Variants in ZC3H11A observed in about 807,000 individuals in gnomAD.
The protein encoded by ZC3H11A is zinc finger CCCH domain-containing protein 11A.
A neutral mutation model predicts 90.8 loss-of-function variants in ZC3H11A; 22 were observed. That is an observed-to-expected ratio of 0.24 (90% confidence interval 0.17 to 0.35). ZC3H11A has a LOEUF of 0.35. ZC3H11A is among the 10% of genes least tolerant of loss of function. The probability of loss-of-function intolerance (pLI) is 1.00; values close to 1 mark genes in which losing one functional copy is unlikely to be tolerated. For synonymous variants in ZC3H11A, 294 were observed against 339.8 expected (o/e 0.87, Z 1.48); for missense variants, 701 against 964.9 (o/e 0.73, Z 3.62).
intron 5 of ZC3H11A, 186 bp from the exon 6 acceptor site, chr1:203,829,263 GTT>G (rs1681504369): frequency 1.6e-6 from 1 of 620,192 alleles, no homozygotes; most frequent in African/African-American, 1.9e-5. Context: ...ACAGTGGAGA[GTT>G]AGTGGAGAGT....
chr1:203,838,163 A>G (rs1684961739), intron 11 of ZC3H11A, 99 bp downstream of exon 11: 1 of 1,087,916 alleles, frequency 9.2e-7, no homozygotes, highest in Non-Finnish European at 1.3e-6. Flanking sequence ...GTTCAGGTAA[A>G]TAGGTTATCT....
chr1:203,810,888 T>TGA lies in ZC3H11A; in HGVS notation c.-145-6034_-145-6033dup, dbSNP rs1372120631. Among the ~76,000 whole-genome samples, 3 of 151,272 alleles carry TGA rather than the reference T, an allele frequency of 2.0e-5. No individual in the cohort carries two copies. The East Asian group carries it at 5.9e-4, about 30-fold the overall frequency. On this transcript the variant is annotated intron_variant, in intron 2 of 17. Coordinates refer to ENST00000367210, the MANE Select transcript of ZC3H11A (RefSeq NM_001376342.1). ...GCTCACGCCTGTAATCCCAGCACTT[T>TGA]GAGAGGTTGAGGCGGGCAGATGACC...
intron 10 of ZC3H11A, 94 bp from the exon 11 acceptor site, chr1:203,837,872 A>G: frequency 8.5e-7 from 1 of 1,178,130 alleles, no homozygotes; most frequent in Non-Finnish European, 1.2e-6. Context: ...AGAACACTTA[A>G]CAGAATTATG....
chr1:203,832,454 A>G (rs1682711454), intron 9 of ZC3H11A, among the ~76,000 whole-genome samples: 1 of 151,632 alleles, frequency 6.6e-6, no homozygotes, highest in South Asian at 2.1e-4. Context: ...TCCGCCTCCC[A>G]GGTTCAAGTG....
At chr1:203,829,990 A>G (rs1284718761) in intron 7 of ZC3H11A, 94 bp downstream of exon 7, 6 of 1,364,816 alleles carry the variant, frequency 4.4e-6, no homozygotes, top group Non-Finnish European at 4.2e-6. Context: ...TCTTTTTCCC[A>G]TGCTACACGC....
intron 4 of ZC3H11A, among the ~76,000 whole-genome samples, chr1:203,823,596 TGCTAGCCAAGAGCAAG>T (rs1031474182): frequency 6.6e-6 from 1 of 152,250 alleles, no homozygotes; most frequent in African/African-American, 2.4e-5. Flanking sequence ...AGGTCCCAGA[TGCTAGCCAAGAGCAAG>T]CCTTGCAAGC....
Position 203,849,708 on chromosome 1 carries a change from C to T in ZC3H11A, c.1624-3C>T, listed in dbSNP as rs373294796. 26 of 1,613,148 alleles carry T rather than the reference C, an allele frequency of 1.6e-5. No individual in the cohort carries two copies. The highest frequency in any genetic ancestry group is 8.9e-5 in the East Asian group (4 of 44,884). On this transcript the variant is annotated splice_region_variant and splice_polypyrimidine_tract_variant and intron_variant, in intron 14 of 17. Coordinates refer to ENST00000367210, the MANE Select transcript of ZC3H11A (RefSeq NM_001376342.1). ...TAATTCTGTCATTCAAATTTATCCA[C>T]AGGCTTCAGGTGAGACCACAGGAGT...
rs1689699743 is a variant in ZC3H11A, at chr1:203,853,801, C to G, written c.*1402C>G. On this transcript the variant is annotated 3_prime_UTR_variant, in exon 18 of 18. Coordinates refer to ENST00000367210, the MANE Select transcript of ZC3H11A (RefSeq NM_001376342.1). ...GATGATTCTGCACAAGCAAAAATGA[C>G]TGAAGTTTATGTATAGACACACCTC... is the stretch of plus-strand genomic sequence containing the variant. 1 of 152,650 alleles carries G rather than the reference C, an allele frequency of 6.6e-6. No individual in the cohort carries two copies. The highest frequency in any genetic ancestry group is 6.5e-5 in the Admixed American group (1 of 15,280). 9.5% of individuals were successfully genotyped at this position (152,650 alleles called of 1,614,324 possible). A position where few individuals can be genotyped will look rare whatever the true frequency, so the allele number is the denominator to read the frequency against.
chr1:203,812,840 C>G (rs1405747709), intron 2 of ZC3H11A, among the ~76,000 whole-genome samples: 3 of 152,076 alleles, frequency 2.0e-5, no homozygotes, highest in Non-Finnish European at 2.9e-5. Flanking sequence ...CCTCGGCCTC[C>G]CAAAGTGCTG....
chr1:203,818,433 C>A, intron 3 of ZC3H11A, 137 bp from the exon 4 acceptor site: 2 of 1,143,376 alleles, frequency 1.7e-6, no homozygotes, highest in Non-Finnish European at 2.5e-6. Context: ...CCTGTCATTC[C>A]ATGTCCATTG....
intron 4 of ZC3H11A, among the ~76,000 whole-genome samples, chr1:203,826,980 C>A (rs568360617): frequency 1.6e-4 from 24 of 152,226 alleles, no homozygotes; most frequent in Admixed American, 3.9e-4. Flanking sequence ...AACCACATCC[C>A]CAAAGCTGAT....
chr1:203,829,408 T>C (rs756231756), intron 5 of ZC3H11A, 43 bp from the exon 6 acceptor site: 2 of 1,608,008 alleles, frequency 1.2e-6, no homozygotes, highest in South Asian at 2.2e-5. Context: ...AAGTTGGGGT[T>C]GTATCTTCTG....
intron 10 of ZC3H11A, 61 bp downstream of exon 10, chr1:203,833,914 T>C: frequency 6.4e-7 from 1 of 1,551,248 alleles, no homozygotes; most frequent in East Asian, 2.3e-5. Flanking sequence ...ACATGATAGC[T>C]TCTCCAAACT....
chr1:203,819,551 TGA>T, intron 4 of ZC3H11A, among the ~76,000 whole-genome samples: 1 of 83,014 alleles, frequency 1.2e-5, no homozygotes, highest in Non-Finnish European at 2.4e-5. Flanking sequence ...TTTTTTTTTT[TGA>T]GACAGAGTTT....
chr1:203,831,575 T>G (rs545530356), intron 8 of ZC3H11A, 86 bp from the exon 9 acceptor site: 1 of 1,103,486 alleles, frequency 9.1e-7, no homozygotes, highest in East Asian at 2.6e-5. Flanking sequence ...GTATTGGACT[T>G]AACTGGTTAC....
rs1688811679 is a variant in ZC3H11A at position 203,849,721 on chromosome 1, A to G, written c.1634A>G (p.Glu545Gly). The G allele has an allele frequency of 6.2e-7, 1 of 1,613,992 alleles. No homozygotes were observed. Among genetic ancestry groups the G allele is most frequent in the Non-Finnish European group, 8.5e-7 (1 of 1,179,874 alleles). ...CAAATTTATCCACAGGCTTCAGGTG[A>G]GACCACAGGAGTTGACATCACTAAA... ...IRTEAKEASG[E>G]TTGVDITKIQ... Residue 545 changes from glutamate to glycine, a missense_variant, in exon 15 of 18, where the codon GAG (glutamate) becomes GGG (glycine). Glu to Gly is a moderately conservative substitution (Grantham distance 98). Coordinates refer to ENST00000367210, the MANE Select transcript of ZC3H11A (RefSeq NM_001376342.1).
chr1:203,815,216 CTTTTTTTT>C lies in ZC3H11A; in HGVS notation c.-145-1701_-145-1694del, dbSNP rs59254922. 3.1e-4 allele frequency among the ~76,000 whole-genome samples: 30 copies of C among 97,144 alleles called. No individual in the cohort carries two copies. In the Admixed American group the frequency reaches 3.4e-3, roughly 11 times the overall value. The allele number at this position is 97,144 out of a possible 152,430, so 63.7% of individuals were successfully genotyped here. A position where few individuals can be genotyped will look rare whatever the true frequency, so the allele number is the denominator to read the frequency against. Reference sequence around the variant, plus strand: ...TTCATTATTTTCTTCCTTTTCTTTTCTTTTTTTTTTTTTTTTGAGACAGTGTCTCGCTC... The same window carrying C: ...TTCATTATTTTCTTCCTTTTCTTTTCTTTTTTTTGAGACAGTGTCTCGCTC... On this transcript the variant is annotated intron_variant, in intron 2 of 17. Coordinates refer to ENST00000367210, the MANE Select transcript of ZC3H11A (RefSeq NM_001376342.1).
chr1:203,850,821 A>G (rs1343969683), intron 16 of ZC3H11A, 140 bp downstream of exon 16: 2 of 1,272,816 alleles, frequency 1.6e-6, no homozygotes, highest in Non-Finnish European at 2.2e-6. Context: ...TTACTACTGT[A>G]TTTTATACTT....
chr1:203,851,547 C>T (rs1053067480), intron 17 of ZC3H11A, among the ~76,000 whole-genome samples: 9 of 152,060 alleles, frequency 5.9e-5, no homozygotes, highest in South Asian at 2.1e-4. Flanking sequence ...CCAGGGTGGT[C>T]TCAAACTCCT....
Sources: gnomAD v4.1 joint callset for allele counts (sites outside exome capture counted in the v4.1 genomes callset) on GRCh38, gnomAD v4.1.1 for gene constraint, MANE v1.5 for transcripts, NCBI Gene and HGNC (gene_info 2026-07-23, HGNC 2026-07-21) for gene names.